LGSN: variants seen among roughly 807,000 people sequenced by gnomAD.
The protein encoded by LGSN is lengsin, lens protein with glutamine synthetase domain, also known as lengsin.
Under a neutral mutation model 19.5 loss-of-function variants are expected in LGSN, and 21 were observed. The ratio of observed to expected loss-of-function variants is 1.07; its 90% CI spans 0.76 to 1.55. The LOEUF is 1.55. Ranked by LOEUF, LGSN falls within the 40% of genes most tolerant of loss-of-function variation. LGSN has a pLI of 0.00. For synonymous variants in LGSN, 257 were observed against 215.6 expected (o/e 1.19, Z -1.68); for missense variants, 673 against 608.5 (o/e 1.11, Z -1.12).
chr6:63,415,519 C>T, the LGSN span, among the ~76,000 whole-genome samples: 249 of 152,282 alleles, frequency 1.6e-3, 2 homozygotes, highest in Non-Finnish European at 2.7e-3. Flanking sequence ...GAGCCCCTGA[C>T]AAAACCATCA....
chr6:63,519,099 G>C, the LGSN span, among the ~76,000 whole-genome samples: 1 of 152,186 alleles, frequency 6.6e-6, no homozygotes, highest in African/African-American at 2.4e-5. Flanking sequence ...CAGATCGCCT[G>C]AAGTTCAAGA....
At chr6:63,487,626 A>G in the LGSN span, among the ~76,000 whole-genome samples, 1 of 152,202 alleles carries the variant, frequency 6.6e-6, no homozygotes, top group Non-Finnish European at 1.5e-5. Context: ...ATAATAATGA[A>G]CACAGACGTC....
At chr6:63,519,171 A>G in the LGSN span, among the ~76,000 whole-genome samples, 59 of 152,144 alleles carry the variant, frequency 3.9e-4, no homozygotes, top group South Asian at 4.4e-3. Flanking sequence ...GCTGGGCATG[A>G]TGGTGGGTGC....
the LGSN span, among the ~76,000 whole-genome samples, chr6:63,430,003 G>A: frequency 2.0e-5 from 3 of 152,124 alleles, no homozygotes; most frequent in African/African-American, 4.8e-5. Context: ...AAAATTTCCC[G>A]GAAATGCCTA....
the LGSN span, among the ~76,000 whole-genome samples, chr6:63,359,161 C>G: frequency 1.3e-5 from 2 of 152,152 alleles, no homozygotes; most frequent in South Asian, 2.1e-4. Flanking sequence ...GTTGAACCAG[C>G]CTTGCATCCC....
In LGSN at chr6:63,316,891, T is replaced by C. The variant is rs1453830608; in HGVS notation, c.30+3023A>G. Among the ~76,000 whole-genome samples, 4 of 152,106 alleles carry C rather than the reference T, an allele frequency of 2.6e-5. No individual in the cohort carries two copies. In the East Asian group the frequency reaches 5.8e-4, roughly 22 times the overall value. On this transcript the variant is annotated intron_variant, in intron 1 of 3. Coordinates refer to ENST00000370657, the MANE Select transcript of LGSN (RefSeq NM_016571.3). ...CTGCAGCATATAAAAATACTGCAAA[T>C]ATGAATATAAAAATACTTTAAATGT...
At chr6:63,377,943 A>G in the LGSN span, among the ~76,000 whole-genome samples, 1 of 150,368 alleles carries the variant, frequency 6.7e-6, no homozygotes, top group Non-Finnish European at 1.5e-5. Flanking sequence ...AAAGAAAAGA[A>G]AAAGGATGAA....
chr6:63,349,670 C>T, the LGSN span, among the ~76,000 whole-genome samples: 1 of 152,154 alleles, frequency 6.6e-6, no homozygotes, highest in East Asian at 1.9e-4. Flanking sequence ...TGCAGATGGC[C>T]TCTGGAAGCT....
At chr6:63,506,563 C>A in the LGSN span, among the ~76,000 whole-genome samples, 1 of 152,122 alleles carries the variant, frequency 6.6e-6, no homozygotes, top group Non-Finnish European at 1.5e-5. Flanking sequence ...GTGCCCAGCT[C>A]TTCTTGTTTT....
the LGSN span, among the ~76,000 whole-genome samples, chr6:63,359,326 A>G: frequency 6.6e-6 from 1 of 152,188 alleles, no homozygotes; most frequent in East Asian, 1.9e-4. Flanking sequence ...CAGCTTTGGT[A>G]TCAGGAAGAT....
chr6:63,528,919 T>A, the LGSN span, among the ~76,000 whole-genome samples: 1 of 151,922 alleles, frequency 6.6e-6, no homozygotes, highest in African/African-American at 2.4e-5. Flanking sequence ...TGAAACCCCA[T>A]CTCTGCTAAA....
the LGSN span, among the ~76,000 whole-genome samples, chr6:63,338,194 G>A: frequency 6.6e-6 from 1 of 152,034 alleles, no homozygotes; most frequent in Non-Finnish European, 1.5e-5. Context: ...CCAGAACTCT[G>A]TAATATTTTG....
chr6:63,478,683 A>G, the LGSN span, among the ~76,000 whole-genome samples: 1 of 152,140 alleles, frequency 6.6e-6, no homozygotes, highest in East Asian at 1.9e-4. Context: ...AGTTCATCCT[A>G]CTCTAAAGAT....
the LGSN span, among the ~76,000 whole-genome samples, chr6:63,455,858 A>G: frequency 3.3e-5 from 5 of 151,256 alleles, no homozygotes; most frequent in Non-Finnish European, 7.4e-5. Flanking sequence ...GAGGATCACT[A>G]GAGCCCAGGA....
At chr6:63,538,764 C>G in the LGSN span, among the ~76,000 whole-genome samples, 1 of 152,160 alleles carries the variant, frequency 6.6e-6, no homozygotes, top group South Asian at 2.1e-4. Flanking sequence ...CTGATGGGCC[C>G]CACCTCCAGA....
At chr6:63,394,809 T>C in the LGSN span, among the ~76,000 whole-genome samples, 1 of 152,214 alleles carries the variant, frequency 6.6e-6, no homozygotes, top group Non-Finnish European at 1.5e-5. Flanking sequence ...GGGTGCTGGC[T>C]TGCTGTATAC....
At chr6:63,427,151 T>C in the LGSN span, among the ~76,000 whole-genome samples, 1 of 151,516 alleles carries the variant, frequency 6.6e-6, no homozygotes, top group East Asian at 2.0e-4. Context: ...GTTCAGCAAT[T>C]CTCCTGCCTC....
the LGSN span, among the ~76,000 whole-genome samples, chr6:63,368,131 A>G: frequency 6.6e-6 from 1 of 152,078 alleles, no homozygotes; most frequent in Admixed American, 6.5e-5. Flanking sequence ...AAAAGAAAAA[A>G]AAAGAGGGAG....
the LGSN span, among the ~76,000 whole-genome samples, chr6:63,331,703 T>G: frequency 6.6e-6 from 1 of 152,076 alleles, no homozygotes; most frequent in African/African-American, 2.4e-5. Context: ...TGCACTCACC[T>G]ACGCAGCAGC....
Sources: allele counts gnomAD v4.1 joint callset (sites outside exome capture counted in the v4.1 genomes callset), GRCh38; gene constraint gnomAD v4.1.1; transcripts MANE v1.5; gene names NCBI Gene and HGNC (gene_info 2026-07-23, HGNC 2026-07-21).